PES1: variants seen among roughly 807,000 people sequenced by gnomAD.
PES1 encodes the protein pescadillo homolog.
PES1 carries 31 observed loss-of-function variants against 77.1 expected under a neutral mutation model. The observed-to-expected ratio is 0.40, with a 90% confidence interval of 0.30 to 0.54. The LOEUF (loss-of-function observed/expected upper bound fraction) is 0.54. Among genes scored for constraint, PES1 ranks in the 20% least tolerant of loss-of-function variants. The pLI, the probability that PES1 is intolerant of heterozygous loss-of-function variation, is 0.45. For missense variants in PES1, 658 were observed against 771.7 expected (o/e 0.85, Z 1.75); for synonymous variants, 282 against 303.0 (o/e 0.93, Z 0.72).
chr22:30,592,492 G>A, upstream of PES1: 1 of 827,042 alleles, frequency 1.2e-6, no homozygotes, highest in Non-Finnish European at 1.5e-6. Flanking sequence ...TGGACTCGTG[G>A]TATATTTAAA....
intron 4 of PES1, chr22:30,585,084 G>A (rs2087057605): frequency 5.1e-6 from 2 of 392,100 alleles, no homozygotes; most frequent in Non-Finnish European, 5.1e-6. Context: ...ACACTCTACA[G>A]GGAGGTCCAA....
At position 30,576,937 on chromosome 22, in the gene PES1, AAGG is replaced by A. The variant is rs957970030; in HGVS notation, c.*106_*108del. ...ATGAGGGGTCAGGGCTGGCTGGAGA[AAGG>A]AGGAGGAGAAGTGACTCTGGTCCAT... On this transcript the variant is annotated 3_prime_UTR_variant, in exon 15 of 15. Transcript: ENST00000354694. 43 of 916,854 alleles carry A rather than the reference AAGG, an allele frequency of 4.7e-5. No individual in the cohort carries two copies. The highest frequency in any genetic ancestry group is 1.1e-4 in the African/African-American group (7 of 61,456). 56.8% of individuals were successfully genotyped at this position (916,854 alleles called of 1,614,324 possible).
intron 2 of PES1, among the ~76,000 whole-genome samples, chr22:30,604,427 G>A (rs1442255917): frequency 6.6e-6 from 1 of 152,114 alleles, no homozygotes; most frequent in Non-Finnish European, 1.5e-5. Context: ...GAGGTCAGGA[G>A]TCCGAGACCA....
In PES1 at chr22:30,606,175, T is replaced by G. The variant is rs186859794; in HGVS notation, c.-718+634A>C. Among the ~76,000 whole-genome samples, 20 of 152,298 alleles carry G rather than the reference T, an allele frequency of 1.3e-4. 1 individual carries two copies. The highest frequency in any genetic ancestry group is 1.3e-3 in the Admixed American group (20 of 15,282). On this transcript the variant is annotated intron_variant, in intron 1 of 16. Transcript: ENST00000402281. Reference sequence around the variant, plus strand: ...TTTTTTTTGAGGTTACTTTCCGAGTTCTGGCAAGTACCCCTGCTTCTGGTA... The same window carrying G: ...TTTTTTTTGAGGTTACTTTCCGAGTGCTGGCAAGTACCCCTGCTTCTGGTA...
At chr22:30,592,065 C>T (rs1287566472), upstream of PES1, 2 of 1,353,290 alleles carry the variant, frequency 1.5e-6, no homozygotes, top group Non-Finnish European at 1.9e-6. Context: ...ATCTTTCCCG[C>T]TCACAATGGT....
chr22:30,584,927 C>G (rs79483185), intron 4 of PES1, among the ~76,000 whole-genome samples: 1 of 152,156 alleles, frequency 6.6e-6, no homozygotes, highest in African/African-American at 2.4e-5. Context: ...GCTCTGAGGA[C>G]CAGAGAAGTC....
At position 30,581,498 on chromosome 22, in the gene PES1, C is replaced by T. The variant is rs373561516; in HGVS notation, c.747+30G>A. ...GAGAAGGGCTGTGGCCCCTGCACGG[C>T]GAGCAGAAGGCACTGGGCTGGGGTC... is the stretch of plus-strand genomic sequence containing the variant. On this transcript the variant is annotated intron_variant, in intron 7 of 14. Coordinates refer to ENST00000354694, the MANE Select transcript of PES1 (RefSeq NM_014303.4). 476 of 1,606,214 alleles carry T rather than the reference C, an allele frequency of 3.0e-4. 1 individual carries two copies. In the African/African-American group the frequency reaches 4.5e-3, roughly 15 times the overall value.
chr22:30,580,050 T>TA lies in PES1; in HGVS notation c.1169+2dup. On this transcript the variant is annotated splice_region_variant and intron_variant, in intron 11 of 14. Transcript: ENST00000354694. Reference sequence around the variant, plus strand: ...ATCCGGACGAGGACCCTTGAGGGCCTACCTGCCAATGACTGAGGTCTGCTG... The same window carrying TA: ...ATCCGGACGAGGACCCTTGAGGGCCTAACCTGCCAATGACTGAGGTCTGCTG... The TA allele has an allele frequency of 6.2e-7, 1 of 1,613,714 alleles. No homozygotes were observed. Among genetic ancestry groups the TA allele is most frequent in the Non-Finnish European group, 8.5e-7 (1 of 1,179,794 alleles).
intron 3 of PES1, 105 bp from the exon 4 acceptor site, chr22:30,587,500 G>A: frequency 1.2e-6 from 1 of 821,154 alleles, no homozygotes; most frequent in Non-Finnish European, 2.0e-6. Flanking sequence ...CATGCCTCCT[G>A]AAGCTGGCCA....
At chr22:30,606,792 C>G in intron 1 of PES1, 1 of 980,214 alleles carries the variant, frequency 1.0e-6, no homozygotes, top group Non-Finnish European at 1.2e-6. Context: ...ACAGCTGACT[C>G]CAGCAATGCT....
intron 1 of PES1, among the ~76,000 whole-genome samples, chr22:30,589,630 G>A (rs191579138): frequency 2.6e-5 from 4 of 152,224 alleles, no homozygotes; most frequent in African/African-American, 9.6e-5. Flanking sequence ...CTGTCCGAAC[G>A]TCCATTTCAC....
chr22:30,593,535 G>T (rs576524362), upstream of PES1, among the ~76,000 whole-genome samples: 1 of 152,196 alleles, frequency 6.6e-6, no homozygotes, highest in East Asian at 1.9e-4. Context: ...GACTGGAGAG[G>T]GTGGCAGTGG....
At chr22:30,577,182 G>A (rs2086913789) in intron 14 of PES1, 53 bp from the exon 15 acceptor site, 2 of 1,441,868 alleles carry the variant, frequency 1.4e-6, no homozygotes, top group Non-Finnish European at 2.0e-6. Context: ...AGGGAGGGTG[G>A]GGGGCACAGA....
upstream of PES1, among the ~76,000 whole-genome samples, chr22:30,594,949 G>A (rs536167868): frequency 6.6e-6 from 1 of 152,062 alleles, no homozygotes; most frequent in African/African-American, 2.4e-5. Context: ...GTGTGTTCAC[G>A]CCGCTGCACT....
chr22:30,590,180 C>G (rs995375906), intron 1 of PES1, among the ~76,000 whole-genome samples: 4 of 152,192 alleles, frequency 2.6e-5, no homozygotes, highest in African/African-American at 4.8e-5. Flanking sequence ...AGCCTATTGT[C>G]TTGTATAACC....
chr22:30,598,520 C>G (rs1300020855), intron 2 of PES1, among the ~76,000 whole-genome samples: 1 of 152,150 alleles, frequency 6.6e-6, no homozygotes, highest in Non-Finnish European at 1.5e-5. Context: ...CCTCTGCTTC[C>G]CGGGTTTAGG....
intron 6 of PES1, among the ~76,000 whole-genome samples, chr22:30,583,167 G>A (rs1229221727): frequency 6.6e-6 from 1 of 152,208 alleles, no homozygotes; most frequent in African/African-American, 2.4e-5. Flanking sequence ...CAGGAAGGAA[G>A]GAGGAGGAGA....
At chr22:30,605,676 C>A (rs2087427246) in intron 1 of PES1, among the ~76,000 whole-genome samples, 1 of 152,194 alleles carries the variant, frequency 6.6e-6, no homozygotes, top group African/African-American at 2.4e-5. Flanking sequence ...GGGCTCCCCA[C>A]TGGCCTCCCT....
At chr22:30,582,851 G>A (rs1312959494) in intron 6 of PES1, among the ~76,000 whole-genome samples, 2 of 152,222 alleles carry the variant, frequency 1.3e-5, no homozygotes, top group African/African-American at 4.8e-5. Flanking sequence ...TGAGCAGGGA[G>A]ACCCCGCCCC....
Sources: allele counts gnomAD v4.1 joint callset (sites outside exome capture counted in the v4.1 genomes callset), GRCh38; gene constraint gnomAD v4.1.1; transcripts MANE v1.5; gene names NCBI Gene and HGNC (gene_info 2026-07-23, HGNC 2026-07-21).